Variants in PPP1R1C observed in about 807,000 individuals in gnomAD.
The protein encoded by PPP1R1C is protein phosphatase 1 regulatory subunit 1C.
PPP1R1C carries 15 observed loss-of-function variants against 17.4 expected under a neutral mutation model. That is an observed-to-expected ratio of 0.86 (90% CI 0.58 to 1.33). The LOEUF is 1.33. Among genes scored for constraint, PPP1R1C ranks in the 40% most tolerant of loss-of-function variants. PPP1R1C has a pLI of 0.00. For missense variants in PPP1R1C, 143 were observed against 130.0 expected (o/e 1.10, Z -0.48); for synonymous variants, 35 against 43.1 (o/e 0.81, Z 0.73).
chr2:181,993,197 G>T (rs1310677853), intron 2 of PPP1R1C, among the ~76,000 whole-genome samples: 1 of 152,122 alleles, frequency 6.6e-6, no homozygotes, highest in Non-Finnish European at 1.5e-5. Context: ...AAAATAACAG[G>T]AAGTTTTTCA....
intron 4 of PPP1R1C, among the ~76,000 whole-genome samples, chr2:182,075,457 C>T (rs549838214): frequency 3.4e-4 from 52 of 152,250 alleles, no homozygotes; most frequent in African/African-American, 1.1e-3. Context: ...GCCAGTTGGT[C>T]CTCTTAGACC....
In PPP1R1C at chr2:181,962,009, G is replaced by A. The variant is rs1369353230; in HGVS notation, n.111+7375G>A. 28 of 731,262 alleles carry A rather than the reference G, an allele frequency of 3.8e-5. No individual in the cohort carries two copies. The highest frequency in any genetic ancestry group is 2.7e-5 in the South Asian group (2 of 73,504). The allele number at this position is 731,262 out of a possible 1,614,324, so 45.3% of individuals were successfully genotyped here. A position where few individuals can be genotyped will look rare whatever the true frequency, so the allele number is the denominator to read the frequency against. On this transcript the variant is annotated intron_variant and non_coding_transcript_variant, in intron 1 of 5. Transcript: ENST00000464264. This position sits in a 1 kb window ranked among gnomAD's most constrained non-coding sequence, Gnocchi z 6.0. The stretch of plus-strand genomic sequence containing the variant: ...TCTAAAGTCATCGGCTGCAAGACAG[G>A]CATTGTCAATCTGCAAAACGATGCC...
intron 2 of PPP1R1C, among the ~76,000 whole-genome samples, chr2:182,041,897 T>C (rs901250042): frequency 2.6e-5 from 4 of 152,204 alleles, no homozygotes; most frequent in African/African-American, 9.6e-5. Flanking sequence ...TAAAGTTTAA[T>C]TTATAATGTA....
At chr2:182,105,733 T>C (rs6735443) in intron 4 of PPP1R1C, among the ~76,000 whole-genome samples, 7 of 151,980 alleles carry the variant, frequency 4.6e-5, no homozygotes, top group African/African-American at 1.7e-4. Flanking sequence ...GAATGTTTCA[T>C]TGGCAGCAGG....
At chr2:182,033,163 CT>C (rs943616639) in intron 2 of PPP1R1C, among the ~76,000 whole-genome samples, 5 of 152,108 alleles carry the variant, frequency 3.3e-5, no homozygotes, top group African/African-American at 1.2e-4. Context: ...CTTTTCTTCC[CT>C]GATTTTTGTG....
chr2:181,990,355 G>A (rs567311821), intron 2 of PPP1R1C, among the ~76,000 whole-genome samples: 24 of 151,860 alleles, frequency 1.6e-4, no homozygotes, highest in Admixed American at 9.8e-4. Flanking sequence ...CGTGTTAGCC[G>A]GATGGTCTCG....
upstream of PPP1R1C, among the ~76,000 whole-genome samples, chr2:181,985,332 C>T (rs181714309): frequency 9.9e-5 from 15 of 152,270 alleles, no homozygotes; most frequent in Admixed American, 3.3e-4. The surrounding 1 kb of genome is among the most constrained non-coding windows in gnomAD (Gnocchi z 4.1). Flanking sequence ...GAGGCCTAGA[C>T]GTAGCCAGTA....
At chr2:182,019,659 T>G (rs1250463534) in intron 2 of PPP1R1C, among the ~76,000 whole-genome samples, 1 of 152,146 alleles carries the variant, frequency 6.6e-6, no homozygotes, top group South Asian at 2.1e-4. Flanking sequence ...TCAGGGAGGT[T>G]AAGTAATGAG....
chr2:182,129,837 A>G (rs1458323445), exon 6 of PPP1R1C: 1 of 152,116 alleles, frequency 6.6e-6, no homozygotes, highest in Non-Finnish European at 1.5e-5. Flanking sequence ...CTTAGAGCTA[A>G]ACTTCCTCCA....
At chr2:181,972,809 A>T (rs903298878) in intron 1 of PPP1R1C, among the ~76,000 whole-genome samples, 1 of 152,176 alleles carries the variant, frequency 6.6e-6, no homozygotes, top group Admixed American at 6.5e-5. Flanking sequence ...TGATTTCCTT[A>T]TCATACTTTC....
chr2:182,112,566 C>T, intron 4 of PPP1R1C, among the ~76,000 whole-genome samples: 1 of 152,086 alleles, frequency 6.6e-6, no homozygotes, highest in East Asian at 1.9e-4. Context: ...AAAGAGCCCC[C>T]AATAGGAGTT....
chr2:182,061,200 A>G (rs929374788), intron 2 of PPP1R1C, among the ~76,000 whole-genome samples: 8 of 152,058 alleles, frequency 5.3e-5, no homozygotes, highest in African/African-American at 4.8e-5. Context: ...GACTGCTGAA[A>G]GGTGAGAAAT....
intron 2 of PPP1R1C, among the ~76,000 whole-genome samples, chr2:182,013,006 A>G (rs1274093713): frequency 6.6e-6 from 1 of 152,000 alleles, no homozygotes; most frequent in Non-Finnish European, 1.5e-5. Flanking sequence ...TTGTAATTAT[A>G]ATTTTTGATG....
chr2:182,001,190 A>T (rs1038885515), intron 2 of PPP1R1C, among the ~76,000 whole-genome samples: 2 of 152,208 alleles, frequency 1.3e-5, no homozygotes, highest in African/African-American at 4.8e-5. Context: ...AATGAATTTT[A>T]GTAGTAGAAG....
At chr2:182,002,497 C>A (rs114173832) in intron 2 of PPP1R1C, among the ~76,000 whole-genome samples, 3,019 of 151,990 alleles carry the variant, frequency 0.02, 95 homozygotes, top group African/African-American at 0.069. Context: ...TTTGTTTCCA[C>A]AGAAGTTATT....
intron 2 of PPP1R1C, among the ~76,000 whole-genome samples, chr2:182,035,334 T>C (rs954028426): frequency 3.9e-5 from 6 of 152,260 alleles, no homozygotes; most frequent in African/African-American, 1.4e-4. Flanking sequence ...CATCAGCTTT[T>C]AGTAACTATT....
chr2:182,109,667 T>C (rs1689360384), intron 4 of PPP1R1C, among the ~76,000 whole-genome samples: 2 of 152,222 alleles, frequency 1.3e-5, no homozygotes, highest in African/African-American at 4.8e-5. Context: ...TTTACATGAG[T>C]CAGTTTCTGG....
intron 2 of PPP1R1C, among the ~76,000 whole-genome samples, chr2:182,044,693 A>G (rs904228414): frequency 1.3e-5 from 2 of 152,186 alleles, no homozygotes; most frequent in African/African-American, 2.4e-5. Context: ...GTCTTTTTCA[A>G]TAGAGTTTAA....
chr2:182,022,727 G>A (rs1482789775), intron 2 of PPP1R1C, among the ~76,000 whole-genome samples: 1 of 152,294 alleles, frequency 6.6e-6, no homozygotes, highest in South Asian at 2.1e-4. Context: ...AAGCTTGAGA[G>A]ACCATTAGAA....
Sources: gnomAD v4.1 joint callset for allele counts (sites outside exome capture counted in the v4.1 genomes callset) on GRCh38, gnomAD v4.1.1 for gene constraint, Gnocchi (gnomAD v3.1) non-coding constraint, MANE v1.5 for transcripts, NCBI Gene and HGNC (gene_info 2026-07-23, HGNC 2026-07-21) for gene names.